The following CADM2 variants were observed in gnomAD, a reference collection of about 807,000 sequenced individuals.
CADM2 encodes the protein immunoglobulin superfamily member 4D.
A neutral mutation model predicts 49.8 loss-of-function variants in CADM2; 12 were observed. The ratio of observed to expected loss-of-function variants is 0.24; its 90% CI spans 0.15 to 0.39. The LOEUF is 0.39. Ranked by LOEUF, CADM2 falls within the 10% of genes least tolerant of loss-of-function variation. The pLI is 1.00. For synonymous variants in CADM2, 214 were observed against 175.4 expected, an observed-to-expected ratio of 1.22 and a Z score of -1.74; for missense variants, 378 against 492.3, an observed-to-expected ratio of 0.77 and a Z score of 2.20.
intron 1 of CADM2, among the ~76,000 whole-genome samples, chr3:85,113,686 GTT>G (rs5850669): frequency 7.3e-6 from 1 of 136,564 alleles, no homozygotes. Flanking sequence ...TTATTCATTC[GTT>G]TTTTTTTTTT....
intron 1 of CADM2, among the ~76,000 whole-genome samples, chr3:85,275,126 A>T (rs1212414104): frequency 6.6e-6 from 1 of 151,488 alleles, no homozygotes; most frequent in Non-Finnish European, 1.5e-5. Context: ...CTTTAGCAAA[A>T]ATTTTGAAAT....
intron 1 of CADM2, among the ~76,000 whole-genome samples, chr3:85,167,627 T>C (rs1025602844): frequency 2.0e-5 from 3 of 152,176 alleles, no homozygotes; most frequent in African/African-American, 4.8e-5. Context: ...TGAATACCCT[T>C]AACCAGTGTG....
At chr3:85,472,969 G>A (rs556243705) in intron 1 of CADM2, among the ~76,000 whole-genome samples, 1 of 151,920 alleles carries the variant, frequency 6.6e-6, no homozygotes, top group Non-Finnish European at 1.5e-5. Context: ...TGAACCATCA[G>A]TTTCTTACAC....
chr3:85,816,103 C>T (rs1424440427), intron 3 of CADM2, among the ~76,000 whole-genome samples: 1 of 151,320 alleles, frequency 6.6e-6, no homozygotes, highest in African/African-American at 2.4e-5. Flanking sequence ...TTAAAGTTTA[C>T]TGTTTAACTT....
intron 1 of CADM2, among the ~76,000 whole-genome samples, chr3:85,043,043 C>G (rs529790565): frequency 1.3e-4 from 20 of 152,062 alleles, no homozygotes; most frequent in Non-Finnish European, 2.5e-4. Context: ...GGCATTTGAG[C>G]TAGGGGTAGT....
chr3:84,963,513 A>G (rs2030726522), intron 1 of CADM2, among the ~76,000 whole-genome samples: 1 of 152,228 alleles, frequency 6.6e-6, no homozygotes, highest in African/African-American at 2.4e-5. Flanking sequence ...TTTTGGAATT[A>G]GTCGTATAAA....
intron 8 of CADM2, 91 bp from the exon 9 acceptor site, chr3:86,065,514 T>A: frequency 3.7e-6 from 5 of 1,346,644 alleles, no homozygotes; most frequent in Non-Finnish European, 5.0e-6. Flanking sequence ...AGAAATTGTG[T>A]TAATTTTCAA....
At chr3:85,352,069 G>A (rs1243236564) in intron 1 of CADM2, among the ~76,000 whole-genome samples, 1 of 152,090 alleles carries the variant, frequency 6.6e-6, no homozygotes, top group African/African-American at 2.4e-5. Context: ...ACTTAAAGCA[G>A]ATAGAAGATT....
intron 1 of CADM2, among the ~76,000 whole-genome samples, chr3:85,721,385 T>C (rs963742009): frequency 3.3e-5 from 5 of 152,148 alleles, no homozygotes; most frequent in Non-Finnish European, 5.9e-5. Flanking sequence ...GGTGGCACCT[T>C]TCCTGTGTTT....
At chr3:85,199,557 C>T (rs2041439645) in intron 1 of CADM2, among the ~76,000 whole-genome samples, 1 of 151,646 alleles carries the variant, frequency 6.6e-6, no homozygotes, top group African/African-American at 2.4e-5. Context: ...ACCTCACAGC[C>T]TAGCATTGTA....
intron 1 of CADM2, among the ~76,000 whole-genome samples, chr3:85,402,810 A>G (rs551049128): frequency 2.0e-5 from 3 of 152,326 alleles, no homozygotes; most frequent in South Asian, 4.1e-4. Context: ...TTATAAAGCA[A>G]TCAATCTCAA....
intron 1 of CADM2, among the ~76,000 whole-genome samples, chr3:85,496,757 T>C (rs1453205473): frequency 1.3e-5 from 2 of 152,216 alleles, no homozygotes; most frequent in Non-Finnish European, 2.9e-5. Flanking sequence ...AGATGTTATC[T>C]CACTGTGGTT....
At chr3:85,469,084 G>C (rs928598526) in intron 1 of CADM2, among the ~76,000 whole-genome samples, 1 of 152,202 alleles carries the variant, frequency 6.6e-6, no homozygotes, top group African/African-American at 2.4e-5. Context: ...AGTTGCAAGA[G>C]TTTGCAGTGC....
At chr3:85,354,672 A>G (rs1576405782) in intron 1 of CADM2, among the ~76,000 whole-genome samples, 1 of 120,772 alleles carries the variant, frequency 8.3e-6, no homozygotes, top group East Asian at 2.9e-4. Context: ...GATCAGAAAT[A>G]TAATCTGAGT....
chr3:85,817,284 T>C (rs2108162316), intron 3 of CADM2, among the ~76,000 whole-genome samples: 2 of 152,362 alleles, frequency 1.3e-5, no homozygotes, highest in Non-Finnish European at 2.9e-5. Flanking sequence ...CTTTGAGTTT[T>C]CCATATCACT....
intron 1 of CADM2, among the ~76,000 whole-genome samples, chr3:85,089,653 C>T (rs2037518201): frequency 6.6e-6 from 1 of 152,002 alleles, no homozygotes; most frequent in Non-Finnish European, 1.5e-5. Flanking sequence ...TATTTCCAAC[C>T]TTTAACTGGA....
intron 3 of CADM2, among the ~76,000 whole-genome samples, chr3:85,867,701 A>C: frequency 6.6e-6 from 1 of 152,160 alleles, no homozygotes. Context: ...ATACTTTGAA[A>C]ATTTTTAAAT....
At chr3:84,985,350 T>C (rs1346136813) in intron 1 of CADM2, among the ~76,000 whole-genome samples, 2 of 152,152 alleles carry the variant, frequency 1.3e-5, no homozygotes, top group Non-Finnish European at 2.9e-5. Context: ...TCAATCAAAA[T>C]ATGGTTCATT....
At position 85,028,975 on chromosome 3, in the gene CADM2, G is replaced by T. The variant is rs1576068584; in HGVS notation, c.61+69307G>T. Among the ~76,000 whole-genome samples, 3 of 151,146 alleles carry T rather than the reference G, an allele frequency of 2.0e-5. No individual in the cohort carries two copies. In the East Asian group the frequency reaches 5.9e-4, roughly 30 times the overall value. On this transcript the variant is annotated intron_variant, in intron 1 of 9. Coordinates refer to ENST00000383699, the MANE Select transcript of CADM2 (RefSeq NM_001167675.2). The stretch of plus-strand genomic sequence containing the variant: ...AATAAAACAGTATGTGAATAAATTG[G>T]AATATCAAATTTAATGTGTTTTAAT...
Sources: gnomAD v4.1 joint callset for allele counts (sites outside exome capture counted in the v4.1 genomes callset) on GRCh38, gnomAD v4.1.1 for gene constraint, MANE v1.5 for transcripts, NCBI Gene and HGNC (gene_info 2026-07-23, HGNC 2026-07-21) for gene names.